GALNT16: variants seen among roughly 807,000 people sequenced by gnomAD.
The protein encoded by GALNT16 is polypeptide N-acetylgalactosaminyltransferase 16.
A neutral mutation model predicts 76.1 loss-of-function variants in GALNT16; 40 were observed. The observed-to-expected ratio is 0.53, with a 90% CI of 0.41 to 0.68. The LOEUF (loss-of-function observed/expected upper bound fraction) is 0.68. Ranked by LOEUF, GALNT16 falls within the 30% of genes least tolerant of loss-of-function variation. The pLI, the probability that GALNT16 is intolerant of heterozygous loss-of-function variation, is 0.00. For missense variants in GALNT16, 621 were observed against 731.9 expected, an observed-to-expected ratio of 0.85 and a Z score of 1.75; for synonymous variants, 276 against 285.2, an observed-to-expected ratio of 0.97 and a Z score of 0.32.
At chr14:69,312,059 G>GTCTATCTA (rs3045602) in intron 1 of GALNT16, among the ~76,000 whole-genome samples, 1,567 of 94,242 alleles carry the variant, frequency 0.017, 12 homozygotes, top group African/African-American at 0.019. Context: ...AAAAAAATCT[G>GTCTATCTA]TCTATCTATC....
intron 6 of GALNT16, among the ~76,000 whole-genome samples, chr14:69,328,964 G>A (rs535657809): frequency 2.0e-4 from 31 of 152,340 alleles, no homozygotes; most frequent in African/African-American, 7.0e-4. Flanking sequence ...CCCCTGCCAC[G>A]TGCCTACTGT....
chr14:69,360,294 A>G (rs1594877433), downstream of GALNT16, among the ~76,000 whole-genome samples: 1 of 151,782 alleles, frequency 6.6e-6, no homozygotes, highest in Admixed American at 6.6e-5. Context: ...TTGAGGCTGC[A>G]GTGAGTTATG....
downstream of GALNT16, chr14:69,357,452 G>A (rs994174015): frequency 6.6e-6 from 1 of 152,268 alleles, no homozygotes; most frequent in African/African-American, 2.4e-5. Flanking sequence ...GTTACAACAG[G>A]AGAATTCTAG....
chr14:69,343,534 G>A (rs904972558), intron 12 of GALNT16, among the ~76,000 whole-genome samples: 1 of 152,216 alleles, frequency 6.6e-6, no homozygotes, highest in Admixed American at 6.5e-5. Context: ...TAGCTGTGAT[G>A]GGAAGAACAT....
At chr14:69,307,679 C>T (rs1416483134) in intron 1 of GALNT16, among the ~76,000 whole-genome samples, 1 of 152,188 alleles carries the variant, frequency 6.6e-6, no homozygotes, top group Non-Finnish European at 1.5e-5. Context: ...CCCTTTTCAG[C>T]TCTCCTTGCC....
the GALNT16 span, among the ~76,000 whole-genome samples, chr14:69,367,379 A>G: frequency 2.4e-3 from 368 of 151,926 alleles, 3 homozygotes; most frequent in African/African-American, 8.6e-3. Flanking sequence ...TGGGATTAAT[A>G]CCCTTATAAA....
At chr14:69,302,882 A>G (rs1048443131) in intron 1 of GALNT16, among the ~76,000 whole-genome samples, 2 of 152,232 alleles carry the variant, frequency 1.3e-5, no homozygotes, top group Non-Finnish European at 2.9e-5. Context: ...ACATACTTAT[A>G]CCAAAAAAAT....
chr14:69,271,083 TG>T (rs758233064), intron 1 of GALNT16, among the ~76,000 whole-genome samples: 2 of 151,886 alleles, frequency 1.3e-5, no homozygotes, highest in African/African-American at 2.4e-5. Context: ...GCAGTCTTGG[TG>T]GTGCCTTGCG....
At chr14:69,369,642 A>C in the GALNT16 span, among the ~76,000 whole-genome samples, 1 of 152,230 alleles carries the variant, frequency 6.6e-6, no homozygotes, top group Non-Finnish European at 1.5e-5. Context: ...CGTTACCTAC[A>C]GAGTGACGCA....
At chr14:69,269,027 C>T (rs183176457) in intron 1 of GALNT16, among the ~76,000 whole-genome samples, 2 of 152,374 alleles carry the variant, frequency 1.3e-5, no homozygotes, top group African/African-American at 4.8e-5. Context: ...GTGATAAATT[C>T]CACTCGGTGC....
chr14:69,336,590 A>AAC, intron 9 of GALNT16, among the ~76,000 whole-genome samples: 1 of 152,202 alleles, frequency 6.6e-6, no homozygotes, highest in Admixed American at 6.5e-5. Flanking sequence ...CCTGGTTTAA[A>AAC]ACATAGTCTT....
At chr14:69,294,398 G>A (rs1423209520) in intron 1 of GALNT16, among the ~76,000 whole-genome samples, 1 of 152,196 alleles carries the variant, frequency 6.6e-6, no homozygotes, top group Non-Finnish European at 1.5e-5. Flanking sequence ...CTGGGTTACA[G>A]GCATGAGCCA....
intron 5 of GALNT16, among the ~76,000 whole-genome samples, chr14:69,327,903 C>A (rs955054355): frequency 3.3e-5 from 5 of 152,176 alleles, no homozygotes; most frequent in Non-Finnish European, 5.9e-5. Flanking sequence ...CTGTCCCTGT[C>A]GTCTTGTTTG....
At chr14:69,268,787 G>T (rs1566858210) in intron 1 of GALNT16, among the ~76,000 whole-genome samples, 1 of 152,260 alleles carries the variant, frequency 6.6e-6, no homozygotes, top group Non-Finnish European at 1.5e-5. Context: ...AAGGCCTCTG[G>T]TAAGACTTCA....
chr14:69,335,656 G>T (rs117059661), intron 9 of GALNT16, among the ~76,000 whole-genome samples: 2 of 152,148 alleles, frequency 1.3e-5, no homozygotes, highest in African/African-American at 4.8e-5. Flanking sequence ...TCTGGCAAGG[G>T]TTTTGTTTCT....
intron 2 of GALNT16, among the ~76,000 whole-genome samples, chr14:69,322,866 G>A (rs2140165713): frequency 6.6e-6 from 1 of 152,170 alleles, no homozygotes; most frequent in East Asian, 1.9e-4. Flanking sequence ...ACTCCAGCCT[G>A]GGTGCCAGAG....
At chr14:69,380,604 G>C in the GALNT16 span, 1 of 1,573,254 alleles carries the variant, frequency 6.4e-7, no homozygotes, top group South Asian at 1.1e-5. Context: ...TCCAGTCTTT[G>C]TTATAAGGCT....
chr14:69,320,764 G>A lies in GALNT16; in HGVS notation c.231G>A (p.Lys77=), dbSNP rs764697260. The A allele has an allele frequency of 1.9e-6, 3 of 1,614,152 alleles. No individual in the cohort carries two copies. The highest frequency in any genetic ancestry group is 3.3e-5 in the Admixed American group (2 of 60,026). ...ATGAGAAGGCCTACCTGTCGGCCAA[G>A]CAGCTGAAGGCTGGAGAGGACCCCT... ...GFDEKAYLSA[K]QLKAGEDPYR... is the part of the protein sequence containing the mutation. The change falls in exon 2 of 15, where the codon AAG becomes AAA. Residue 77 remains lysine (K), a synonymous_variant. Coordinates refer to ENST00000448469, the MANE Select transcript of GALNT16 (RefSeq NM_001168368.2).
At chr14:69,296,290 T>C (rs2044758587) in intron 1 of GALNT16, among the ~76,000 whole-genome samples, 1 of 152,118 alleles carries the variant, frequency 6.6e-6, no homozygotes, top group Admixed American at 6.5e-5. Context: ...TCCCCCATGG[T>C]CCAATCACCT....
Sources: gnomAD v4.1 joint callset for allele counts (sites outside exome capture counted in the v4.1 genomes callset) on GRCh38, gnomAD v4.1.1 for gene constraint, MANE v1.5 for transcripts, NCBI Gene and HGNC (gene_info 2026-07-23, HGNC 2026-07-21) for gene names.